The following LUC7L variants were observed in gnomAD, a reference collection of about 807,000 sequenced individuals.
LUC7L encodes the protein LUC7 like, also known as putative RNA-binding protein Luc7-like 1.
A neutral mutation model predicts 51.1 loss-of-function variants in LUC7L; 29 were observed. That is an observed-to-expected ratio of 0.57 (90% CI 0.42 to 0.77). The LOEUF (loss-of-function observed/expected upper bound fraction) is 0.77, where lower values mean the gene tolerates loss of function less well. LUC7L is among the 30% of genes least tolerant of loss of function. The pLI, the probability that LUC7L is intolerant of heterozygous loss-of-function variation, is 0.00. For missense variants in LUC7L, 403 were observed against 511.9 expected, an observed-to-expected ratio of 0.79 and a Z score of 2.05; for synonymous variants, 181 against 180.7, an observed-to-expected ratio of 1.00 and a Z score of -0.01.
Position 189,961 on chromosome 16 carries a change from T to G in LUC7L, c.974+7A>C, listed in dbSNP as rs1480771538. The G allele has an allele frequency of 1.2e-6, 2 of 1,608,234 alleles. No individual in the cohort carries two copies. The highest frequency in any genetic ancestry group is 1.7e-6 in the Non-Finnish European group (2 of 1,175,836). Reference sequence around the variant, plus strand: ...GTTGCAGCTACCGAAGGAGTCAGAGTAGTTACTTGTATTTCGCACTTCGGT... The same window carrying G: ...GTTGCAGCTACCGAAGGAGTCAGAGGAGTTACTTGTATTTCGCACTTCGGT... On this transcript the variant is annotated splice_region_variant and intron_variant, in intron 9 of 9. Transcript: ENST00000293872.
intron 1 of LUC7L, chr16:227,843 C>T: frequency 1.0e-6 from 1 of 1,000,954 alleles, no homozygotes; most frequent in Non-Finnish European, 1.2e-6. Context: ...TAATCTAGAT[C>T]TATTCTTCCT....
Position 227,293 on chromosome 16 carries a change from G to C in LUC7L, c.105C>G (p.Val35=). ...AGCAGTCCAGAAGGTGACTCTTGCA[G>C]ACACGGTCATCTGTAAACTTGACCC... is the stretch of plus-strand genomic sequence containing the variant. The part of the protein sequence containing the change: ...RQRVKFTDDR[V]CKSHLLDCCP... The change falls in exon 2 of 10, where the codon GTC becomes GTG. Residue 35 remains valine (V), a synonymous_variant. Transcript: ENST00000293872. The C allele has an allele frequency of 6.2e-7, 1 of 1,612,786 alleles. No individual in the cohort carries two copies. The highest frequency in any genetic ancestry group is 8.5e-7 in the Non-Finnish European group (1 of 1,179,360).
chr16:212,460 G>A (rs1248252471), intron 3 of LUC7L, among the ~76,000 whole-genome samples: 2 of 152,238 alleles, frequency 1.3e-5, no homozygotes, highest in African/African-American at 4.8e-5. Context: ...GGCAGCCATC[G>A]TCAGCCCAGT....
At chr16:217,111 G>T (rs1038719070) in intron 3 of LUC7L, among the ~76,000 whole-genome samples, 19 of 152,148 alleles carry the variant, frequency 1.2e-4, no homozygotes, top group African/African-American at 3.6e-4. Flanking sequence ...TCACCAACTG[G>T]GTTCAAGCCA....
chr16:217,766 C>G (rs1428784419), intron 3 of LUC7L, among the ~76,000 whole-genome samples: 1 of 150,670 alleles, frequency 6.6e-6, no homozygotes, highest in African/African-American at 2.4e-5. Flanking sequence ...AGGCCAGGTG[C>G]AGTGGCTCAC....
intron 3 of LUC7L, among the ~76,000 whole-genome samples, chr16:211,632 G>A (rs962584664): frequency 2.0e-5 from 3 of 152,090 alleles, no homozygotes; most frequent in East Asian, 3.8e-4. Context: ...AAAGACATTC[G>A]ATTCCAAAAA....
chr16:191,261 G>A (rs1400401805), intron 7 of LUC7L, among the ~76,000 whole-genome samples: 1 of 152,180 alleles, frequency 6.6e-6, no homozygotes, highest in African/African-American at 2.4e-5. Flanking sequence ...CAAAAACACA[G>A]AAAAGGAAAA....
chr16:229,025 G>C, intron 1 of LUC7L: 1 of 1,434,544 alleles, frequency 7.0e-7, no homozygotes, highest in Non-Finnish European at 9.1e-7. Context: ...GTAGCAGGAC[G>C]GTACATAGGA....
In LUC7L at chr16:229,301, C is replaced by T; in HGVS notation, c.39G>A (p.Gln13=). Reference sequence around the variant, plus strand: ...CACCGTCCCGAGCCGTGCCCATGAGCTGGTCCAGCAGGGCCCGCATCTGCG... The same window carrying T: ...CACCGTCCCGAGCCGTGCCCATGAGTTGGTCCAGCAGGGCCCGCATCTGCG... ...AQAQMRALLD[Q]LMGTARDGDE... is the part of the protein sequence containing the mutation. Residue 13 remains glutamine (Q), a synonymous_variant, in exon 1 of 10, where the codon CAG becomes CAA. Transcript: ENST00000293872. 1.3e-6 allele frequency: 2 copies of T among 1,541,058 alleles called. No homozygotes were observed. The highest frequency in any genetic ancestry group is 2.5e-5 in the East Asian group (1 of 40,512).
At chr16:211,616 TA>T (rs575247431) in intron 3 of LUC7L, among the ~76,000 whole-genome samples, 4 of 151,870 alleles carry the variant, frequency 2.6e-5, no homozygotes, top group South Asian at 2.1e-4. Flanking sequence ...ATCTAAATGA[TA>T]AAAAAAAGAC....
intron 3 of LUC7L, among the ~76,000 whole-genome samples, chr16:219,021 C>T (rs936043489): frequency 1.3e-5 from 2 of 151,428 alleles, no homozygotes; most frequent in Non-Finnish European, 2.9e-5. Flanking sequence ...ATCACTGAGC[C>T]GAAGAGGTCA....
intron 7 of LUC7L, among the ~76,000 whole-genome samples, chr16:192,502 C>CTTTTTTT (rs398058029): frequency 3.2e-5 from 4 of 125,638 alleles, no homozygotes; most frequent in Non-Finnish European, 4.9e-5. Flanking sequence ...ATGCTGTTTA[C>CTTTTTTT]TTTTTTTTTT....
intron 7 of LUC7L, 74 bp downstream of exon 7, chr16:192,853 G>T: frequency 1.5e-6 from 2 of 1,305,706 alleles, no homozygotes; most frequent in Non-Finnish European, 2.2e-6. Flanking sequence ...CCTATTCCAA[G>T]CAACAGTGGA....
chr16:211,437 G>A (rs946906539), intron 3 of LUC7L, among the ~76,000 whole-genome samples: 35 of 152,078 alleles, frequency 2.3e-4, no homozygotes, highest in African/African-American at 8.2e-4. Context: ...CAGCCTGGGC[G>A]ACAGAGCAAG....
chr16:189,682 G>T (rs2048957851), intron 9 of LUC7L: 2 of 1,342,500 alleles, frequency 1.5e-6, no homozygotes, highest in Admixed American at 6.6e-5. Context: ...AGCAGGGCCT[G>T]GTCAGGACAC....
chr16:224,823 C>G lies in LUC7L; in HGVS notation c.156+2419G>C, dbSNP rs1596688039. On this transcript the variant is annotated intron_variant, in intron 2 of 9. Transcript: ENST00000293872. ...CTCCAGCCTAGGCAACAGAGTGAGA[C>G]TCCGTCTGAAAAAAAAAAACCTCAC... 2.0e-5 allele frequency among the ~76,000 whole-genome samples: 3 copies of G among 151,664 alleles called. No individual in the cohort carries two copies. The South Asian group carries it at 6.2e-4, about 31-fold the overall frequency.
intron 6 of LUC7L, 28 bp from the exon 7 acceptor site, chr16:193,043 A>G (rs1567172279): frequency 1.0e-5 from 16 of 1,575,766 alleles, no homozygotes; most frequent in Non-Finnish European, 1.4e-5. Context: ...AAAATGAGGA[A>G]GAGCAAGTTA....
rs1176337674 is a variant in LUC7L at position 198,395 on chromosome 16, AC to A, written c.687+666del. On this transcript the variant is annotated intron_variant, in intron 6 of 9. Coordinates refer to ENST00000293872, the MANE Select transcript of LUC7L (RefSeq NM_201412.3). Reference sequence around the variant, plus strand: ...ATGCTACCAGAAAAACCCCATCTTCACCCCGCCCTTCTGAGGTGGCTCATAG... The same window carrying A: ...ATGCTACCAGAAAAACCCCATCTTCACCCGCCCTTCTGAGGTGGCTCATAG... Among the ~76,000 whole-genome samples the A allele has an allele frequency of 5.3e-5, 8 of 150,626 alleles. No individual in the cohort carries two copies. The East Asian group carries it at 1.6e-3, about 29-fold the overall frequency.
At chr16:201,063 G>A (rs919502423) in intron 5 of LUC7L, among the ~76,000 whole-genome samples, 3 of 150,908 alleles carry the variant, frequency 2.0e-5, no homozygotes, top group African/African-American at 7.3e-5. Flanking sequence ...CCAGCTACTC[G>A]GGAGGCTGAG....
Sources: allele counts gnomAD v4.1 joint callset (sites outside exome capture counted in the v4.1 genomes callset), GRCh38; gene constraint gnomAD v4.1.1; transcripts MANE v1.5; gene names NCBI Gene and HGNC (gene_info 2026-07-23, HGNC 2026-07-21).